The following FRMPD2 variants were observed in gnomAD, a reference collection of about 807,000 sequenced individuals.
FRMPD2 encodes FERM and PDZ domain containing 2.
A neutral mutation model predicts 140.1 loss-of-function variants in FRMPD2; 96 were observed. The ratio of observed to expected loss-of-function variants is 0.69; its 90% CI spans 0.58 to 0.81. The LOEUF (loss-of-function observed/expected upper bound fraction) is 0.81. Ranked by LOEUF, FRMPD2 falls within the 40% of genes least tolerant of loss-of-function variation. FRMPD2 has a pLI of 0.00. For synonymous variants in FRMPD2, 449 were observed against 547.6 expected (o/e 0.82, Z 2.52); for missense variants, 1,240 against 1,447.4 (o/e 0.86, Z 2.32).
chr10:48,203,240 T>A (rs1014263185), intron 14 of FRMPD2, among the ~76,000 whole-genome samples: 5 of 152,242 alleles, frequency 3.3e-5, no homozygotes, highest in African/African-American at 1.2e-4. Context: ...CCTTTTCAGA[T>A]GCCAGTGCTC....
chr10:48,245,654 T>A (rs942050706), intron 3 of FRMPD2, among the ~76,000 whole-genome samples: 2 of 152,234 alleles, frequency 1.3e-5, no homozygotes, highest in African/African-American at 2.4e-5. Flanking sequence ...CTTTTACCCA[T>A]ATAAACTTAT....
chr10:48,244,655 G>A, intron 4 of FRMPD2, 129 bp downstream of exon 4: 1 of 701,152 alleles, frequency 1.4e-6, no homozygotes, highest in Non-Finnish European at 2.6e-6. Flanking sequence ...CTCAACGCCT[G>A]CCTAGGACCT....
At chr10:48,269,392 A>C (rs79736281) in intron 1 of FRMPD2, among the ~76,000 whole-genome samples, 1,687 of 152,332 alleles carry the variant, frequency 0.011, 37 homozygotes, top group African/African-American at 0.039. Flanking sequence ...AATAGGATGC[A>C]CAGAGGCGTG....
intron 10 of FRMPD2, among the ~76,000 whole-genome samples, chr10:48,223,669 C>T (rs1839660874): frequency 6.6e-6 from 1 of 152,182 alleles, no homozygotes; most frequent in Non-Finnish European, 1.5e-5. Flanking sequence ...CCTCCCCAGC[C>T]ATGGACTCCT....
At chr10:48,230,837 A>G (rs1038859403) in intron 10 of FRMPD2, among the ~76,000 whole-genome samples, 1 of 152,212 alleles carries the variant, frequency 6.6e-6, no homozygotes, top group Non-Finnish European at 1.5e-5. Flanking sequence ...AAGCTGAACA[A>G]CAACTCAATG....
chr10:48,203,582 G>C (rs144459866), intron 14 of FRMPD2, among the ~76,000 whole-genome samples: 2 of 152,220 alleles, frequency 1.3e-5, no homozygotes, highest in African/African-American at 4.8e-5. Flanking sequence ...CAAAGCATCA[G>C]TTTACCATTT....
At chr10:48,260,792 A>G (rs1840575456) in intron 1 of FRMPD2, among the ~76,000 whole-genome samples, 4 of 152,204 alleles carry the variant, frequency 2.6e-5, no homozygotes, top group African/African-American at 9.6e-5. Flanking sequence ...AAGAGATAAA[A>G]CAAGTGAAAG....
intron 12 of FRMPD2, among the ~76,000 whole-genome samples, chr10:48,219,050 C>A (rs1001407786): frequency 6.6e-6 from 1 of 152,048 alleles, no homozygotes; most frequent in Non-Finnish European, 1.5e-5. Context: ...GGGCCAGGAA[C>A]TCTAGGGGGT....
chr10:48,241,022 G>C (rs547411297), intron 5 of FRMPD2, among the ~76,000 whole-genome samples: 1 of 152,338 alleles, frequency 6.6e-6, no homozygotes, highest in South Asian at 2.1e-4. Context: ...CGGAAATGTT[G>C]CAGGTCAGTA....
chr10:48,192,990 C>T (rs1838871213), intron 15 of FRMPD2, 96 bp from the exon 16 acceptor site: 1 of 878,824 alleles, frequency 1.1e-6, no homozygotes, highest in Admixed American at 1.9e-5. Flanking sequence ...GGCCCCCGCT[C>T]TCCTCCTCCT....
chr10:48,216,312 A>ATAGG (rs1839448884), intron 12 of FRMPD2, among the ~76,000 whole-genome samples: 5 of 152,144 alleles, frequency 3.3e-5, no homozygotes, highest in Admixed American at 3.3e-4. Flanking sequence ...AGATAGATAG[A>ATAGG]TAGATAGATA....
At chr10:48,171,774 G>T (rs1251131861) in intron 25 of FRMPD2, among the ~76,000 whole-genome samples, 1 of 152,104 alleles carries the variant, frequency 6.6e-6, no homozygotes, top group African/African-American at 2.4e-5. Flanking sequence ...AGATATAGCT[G>T]CTAGGCATAC....
rs112536572 is a variant in FRMPD2 at position 48,232,590 on chromosome 10, C to T, written c.994-301G>A. On this transcript the variant is annotated intron_variant, in intron 9 of 28. Coordinates refer to ENST00000374201, the MANE Select transcript of FRMPD2 (RefSeq NM_001018071.4). ...CTGTCTGACTGACGTCTTTCCCATG[C>T]GGAAATTCCAGCTCTCCCTTGGGCT... Among the ~76,000 whole-genome samples the T allele has an allele frequency of 6.8e-4, 104 of 152,218 alleles. 1 individual carries two copies. Among genetic ancestry groups the T allele is most frequent in the African/African-American group, 2.4e-3 (98 of 41,546 alleles).
At chr10:48,179,668 G>A (rs1838493425) in intron 21 of FRMPD2, among the ~76,000 whole-genome samples, 1 of 151,916 alleles carries the variant, frequency 6.6e-6, no homozygotes, top group African/African-American at 2.4e-5. Context: ...CCCAGCTGAT[G>A]AAGCTAAGAT....
chr10:48,221,602 T>C (rs1839587643), intron 12 of FRMPD2, among the ~76,000 whole-genome samples: 1 of 152,186 alleles, frequency 6.6e-6, no homozygotes, highest in African/African-American at 2.4e-5. Flanking sequence ...AATAAATTAA[T>C]ATAAATAAAT....
intron 1 of FRMPD2, among the ~76,000 whole-genome samples, chr10:48,255,672 C>G (rs1840475193): frequency 6.6e-6 from 1 of 152,158 alleles, no homozygotes; most frequent in African/African-American, 2.4e-5. Context: ...TAAGAATAGG[C>G]AATGCATGAT....
At chr10:48,217,463 A>G (rs1839477374) in intron 12 of FRMPD2, among the ~76,000 whole-genome samples, 1 of 152,200 alleles carries the variant, frequency 6.6e-6, no homozygotes, top group South Asian at 2.1e-4. Flanking sequence ...AAAGCAAGAC[A>G]ATGTTGGGAG....
intron 14 of FRMPD2, among the ~76,000 whole-genome samples, chr10:48,205,298 A>G (rs940209529): frequency 2.6e-5 from 4 of 152,224 alleles, no homozygotes; most frequent in Non-Finnish European, 5.9e-5. Flanking sequence ...GAGCCTGATG[A>G]CTTCCCAGTT....
At chr10:48,200,330 T>C (rs1386916917) in intron 15 of FRMPD2, among the ~76,000 whole-genome samples, 1 of 152,112 alleles carries the variant, frequency 6.6e-6, no homozygotes, top group Non-Finnish European at 1.5e-5. Flanking sequence ...CTCACCTGCC[T>C]CCTCGAATCA....
Sources: allele counts gnomAD v4.1 joint callset (sites outside exome capture counted in the v4.1 genomes callset), GRCh38; gene constraint gnomAD v4.1.1; transcripts MANE v1.5; gene names NCBI Gene and HGNC (gene_info 2026-07-23, HGNC 2026-07-21).